The following CASK variants were observed in gnomAD, a reference collection of about 807,000 sequenced individuals.
The protein encoded by CASK is peripheral plasma membrane protein CASK.
In CASK, 4 loss-of-function variants were observed where a neutral mutation model predicts 82.9. The observed-to-expected ratio is 0.05, with a 90% CI of 0.02 to 0.11. The LOEUF (loss-of-function observed/expected upper bound fraction) is 0.11, where lower values mean the gene tolerates loss of function less well. Among genes scored for constraint, CASK ranks in the 10% least tolerant of loss-of-function variants. The pLI, the probability that CASK is intolerant of heterozygous loss-of-function variation, is 1.00. For synonymous variants in CASK, 259 were observed against 253.5 expected (o/e 1.02, Z -0.20); for missense variants, 358 against 720.9 (o/e 0.50, Z 5.76).
In CASK at chrX:41,770,303, C is replaced by T. The variant is rs370152887; in HGVS notation, c.278+16875G>A. Among the ~76,000 whole-genome samples, 475 of 97,169 alleles carry T rather than the reference C, an allele frequency of 4.9e-3. 9 individuals are homozygous for T. The highest frequency in any genetic ancestry group is 0.017 in the African/African-American group (428 of 25,143). 84.4% of individuals were successfully genotyped at this position (97,169 alleles called of 115,157 possible). A position where few individuals can be genotyped will look rare whatever the true frequency, so the allele number is the denominator to read the frequency against. The stretch of plus-strand genomic sequence containing the variant: ...ATCTATCTATCTATCTATCTACCTA[C>T]CTACCTACCTATCCATCCATCCATC... On this transcript the variant is annotated intron_variant, in intron 3 of 26. Transcript: ENST00000378163.
chrX:41,528,381 A>G (rs914215525), intron 25 of CASK, among the ~76,000 whole-genome samples: 11 of 112,711 alleles, frequency 9.8e-5, no homozygotes, highest in African/African-American at 3.5e-4. Flanking sequence ...CTTATCATAT[A>G]GTATTATTAG....
At chrX:41,684,498 A>AAT (rs2067410505) in intron 5 of CASK, among the ~76,000 whole-genome samples, 2 of 111,323 alleles carry the variant, frequency 1.8e-5, no homozygotes, top group East Asian at 2.8e-4. Context: ...TCTTGTTTTT[A>AAT]ATATATATAT....
intron 2 of CASK, among the ~76,000 whole-genome samples, chrX:41,817,733 T>C (rs1053830944): frequency 1.1e-4 from 12 of 111,347 alleles, no homozygotes; most frequent in African/African-American, 3.9e-4. Flanking sequence ...TCAGTTGTAT[T>C]TATATATTCC....
At chrX:41,720,062 G>A (rs2068136941) in intron 5 of CASK, among the ~76,000 whole-genome samples, 1 of 113,111 alleles carries the variant, frequency 8.8e-6, no homozygotes, top group African/African-American at 3.2e-5. Flanking sequence ...TCTTCGAAGA[G>A]GAACCTCTGC....
intron 9 of CASK, among the ~76,000 whole-genome samples, chrX:41,636,053 G>A (rs1254268715): frequency 9.3e-6 from 1 of 107,198 alleles, no homozygotes; most frequent in African/African-American, 3.4e-5. Flanking sequence ...CCTGCCACCA[G>A]GCCCAGCTAA....
intron 2 of CASK, among the ~76,000 whole-genome samples, chrX:41,835,853 A>C (rs750081390): frequency 8.9e-6 from 1 of 112,552 alleles, no homozygotes; most frequent in Non-Finnish European, 1.9e-5. Flanking sequence ...ATTCATCAGC[A>C]GTTTTTCACA....
intron 4 of CASK, among the ~76,000 whole-genome samples, chrX:41,739,768 T>C (rs1256407132): frequency 1.8e-5 from 2 of 112,606 alleles, no homozygotes; most frequent in African/African-American, 6.4e-5. Flanking sequence ...ACAATTTTTT[T>C]CCCCAATACT....
intron 8 of CASK, among the ~76,000 whole-genome samples, chrX:41,656,254 C>T (rs764890516): frequency 1.7e-4 from 19 of 111,991 alleles, no homozygotes; most frequent in Non-Finnish European, 2.8e-4. Context: ...GAGACAGACA[C>T]TGCCCATGGC....
intron 2 of CASK, among the ~76,000 whole-genome samples, chrX:41,837,591 C>T (rs1217427153): frequency 8.9e-6 from 1 of 112,161 alleles, no homozygotes; most frequent in African/African-American, 3.2e-5. Flanking sequence ...GGAAATCATA[C>T]AGTACACGAC....
intron 8 of CASK, among the ~76,000 whole-genome samples, chrX:41,649,910 A>T (rs2147424928): frequency 9.0e-6 from 1 of 110,904 alleles, no homozygotes; most frequent in African/African-American, 3.3e-5. Context: ...GTCTCTAAGG[A>T]CCTGCTTTTT....
intron 16 of CASK, among the ~76,000 whole-genome samples, chrX:41,565,640 C>T (rs972181670): frequency 9.0e-6 from 1 of 111,484 alleles, no homozygotes; most frequent in African/African-American, 3.3e-5. Flanking sequence ...GATTCACAGC[C>T]GAATTCTACC....
chrX:41,655,446 T>C (rs368717844), intron 8 of CASK, among the ~76,000 whole-genome samples: 62 of 111,764 alleles, frequency 5.5e-4, no homozygotes, highest in African/African-American at 2.0e-3. Context: ...CCCTAATGAC[T>C]GAAGGACATA....
chrX:41,900,763 T>TG (rs1491336955), intron 1 of CASK, among the ~76,000 whole-genome samples: 3 of 92,255 alleles, frequency 3.3e-5, no homozygotes, highest in Non-Finnish European at 6.5e-5. Context: ...TTTTTTTTTT[T>TG]GAGATGGAGT....
chrX:41,779,676 CA>C (rs1425491477), intron 3 of CASK, among the ~76,000 whole-genome samples: 1 of 111,106 alleles, frequency 9.0e-6, no homozygotes, highest in Non-Finnish European at 1.9e-5. Context: ...AAAATATGAG[CA>C]AATCTTCAAA....
rs767680782 is a variant in CASK at position 41,626,648 on chromosome X, G to A, written c.971C>T (p.Pro324Leu). ...GGAGAAATCTGGTAACTCTTCAGGG[G>A]GATCCCCATAGAATGAGTTGAATTT... Reference protein sequence around the residue: ...SHKFNSFYGDPPEELPDFSED... With the variant: ...SHKFNSFYGDLPEELPDFSED... Residue 324 changes from proline to leucine, a missense_variant, in exon 10 of 27, where the codon CCC becomes CTC. Around this residue, in one of 5 missense-constraint regions of CASK, gnomAD observed 110 missense variants for 218.8 expected, o/e 0.50. Coordinates refer to ENST00000378163, the MANE Select transcript of CASK (RefSeq NM_001367721.1). 1 of 1,207,152 alleles carries A rather than the reference G, an allele frequency of 8.3e-7. No individual in the cohort carries two copies. Among genetic ancestry groups the A allele is most frequent in the Non-Finnish European group, 1.1e-6 (1 of 891,066 alleles).
intron 1 of CASK, among the ~76,000 whole-genome samples, chrX:41,878,136 C>A (rs1306696088): frequency 9.3e-6 from 1 of 107,516 alleles, no homozygotes; most frequent in Non-Finnish European, 1.9e-5. Flanking sequence ...CACTAACCAA[C>A]ATCAATCACA....
chrX:41,718,335 A>G (rs1171547018), intron 5 of CASK, among the ~76,000 whole-genome samples: 1 of 112,970 alleles, frequency 8.9e-6, no homozygotes, highest in Non-Finnish European at 1.9e-5. Context: ...TAGCAAATTA[A>G]TTGGACCCAA....
At chrX:41,670,525 C>T (rs1327620913) in intron 6 of CASK, among the ~76,000 whole-genome samples, 1 of 111,636 alleles carries the variant, frequency 9.0e-6, no homozygotes, top group Non-Finnish European at 1.9e-5. Flanking sequence ...GGCAGGAGGA[C>T]TGCTTAGGCC....
intron 2 of CASK, among the ~76,000 whole-genome samples, chrX:41,789,491 AAGGCCCCGCAGG>A (rs2069675367): frequency 9.0e-6 from 1 of 111,067 alleles, no homozygotes; most frequent in South Asian, 3.8e-4. Context: ...AGTAGTTAGG[AAGGCCCCGCAGG>A]AGGGGAGGAT....
Sources: gnomAD v4.1 joint callset for allele counts (sites outside exome capture counted in the v4.1 genomes callset) on GRCh38, gnomAD v4.1.1 for gene constraint, gnomAD v4.1.1 regional missense constraint, MANE v1.5 for transcripts, NCBI Gene and HGNC (gene_info 2026-07-23, HGNC 2026-07-21) for gene names.